SYNPR: variants seen among roughly 807,000 people sequenced by gnomAD.
SYNPR encodes synaptoporin.
Under a neutral mutation model 32.9 loss-of-function variants are expected in SYNPR, and 23 were observed. The ratio of observed to expected loss-of-function variants is 0.70; its 90% confidence interval spans 0.50 to 0.99. The LOEUF (loss-of-function observed/expected upper bound fraction) is 0.99, where lower values mean the gene tolerates loss of function less well. Among genes scored for constraint, SYNPR ranks in the 50% least tolerant of loss-of-function variants. The probability of loss-of-function intolerance (pLI) is 0.00; values close to 1 mark genes in which losing one functional copy is unlikely to be tolerated. For missense variants in SYNPR, 318 were observed against 349.3 expected (o/e 0.91, Z 0.71); for synonymous variants, 146 against 135.9 (o/e 1.07, Z -0.52).
At chr3:63,338,395 A>G (rs948218429) in intron 2 of SYNPR, among the ~76,000 whole-genome samples, 1 of 152,288 alleles carries the variant, frequency 6.6e-6, no homozygotes, top group East Asian at 1.9e-4. Flanking sequence ...AGGAGTGTCT[A>G]GCTTTCTCGA....
chr3:63,576,308 T>C (rs974521087), intron 4 of SYNPR, among the ~76,000 whole-genome samples: 1 of 152,142 alleles, frequency 6.6e-6, no homozygotes, highest in African/African-American at 2.4e-5. Flanking sequence ...GTGAAACAAA[T>C]ACCAAATGAT....
chr3:63,585,456 C>CTA (rs1553649474), intron 4 of SYNPR, among the ~76,000 whole-genome samples: 1 of 104,730 alleles, frequency 9.5e-6, no homozygotes, highest in African/African-American at 3.3e-5. Context: ...CATGCCCCCC[C>CTA]CCTCCGCCCC....
At chr3:63,493,253 T>C (rs1451986838) in intron 3 of SYNPR, among the ~76,000 whole-genome samples, 3 of 152,010 alleles carry the variant, frequency 2.0e-5, no homozygotes, top group African/African-American at 7.2e-5. Flanking sequence ...TCTCCAGGGC[T>C]GAGAGGTTCA....
intron 2 of SYNPR, among the ~76,000 whole-genome samples, chr3:63,468,625 A>T (rs1700733908): frequency 6.6e-6 from 1 of 151,892 alleles, no homozygotes; most frequent in Non-Finnish European, 1.5e-5. Context: ...ACATGTTGAA[A>T]CCCCATGTCT....
intron 4 of SYNPR, among the ~76,000 whole-genome samples, chr3:63,585,722 C>T (rs1458755137): frequency 6.6e-6 from 1 of 151,992 alleles, no homozygotes; most frequent in African/African-American, 2.4e-5. Context: ...GTCATTTATC[C>T]GATGCCTAGT....
intron 2 of SYNPR, among the ~76,000 whole-genome samples, chr3:63,339,715 T>G (rs2087339743): frequency 6.6e-6 from 1 of 151,922 alleles, no homozygotes; most frequent in South Asian, 2.1e-4. Flanking sequence ...TTGAGTGCTG[T>G]GGCGAGATCT....
chr3:63,332,313 C>T (rs1399740237), intron 2 of SYNPR, among the ~76,000 whole-genome samples: 1 of 151,918 alleles, frequency 6.6e-6, no homozygotes, highest in Non-Finnish European at 1.5e-5. Flanking sequence ...TGCTCTGCCA[C>T]CCTCCATCCT....
At chr3:63,515,968 G>T (rs1383600670) in intron 3 of SYNPR, among the ~76,000 whole-genome samples, 1 of 151,968 alleles carries the variant, frequency 6.6e-6, no homozygotes, top group Non-Finnish European at 1.5e-5. Context: ...AGATGAAGGG[G>T]ACTGGTTATT....
chr3:63,315,860 A>G (rs957506038), intron 2 of SYNPR, among the ~76,000 whole-genome samples: 3 of 152,002 alleles, frequency 2.0e-5, no homozygotes, highest in African/African-American at 7.2e-5. Context: ...ATTCAGTATT[A>G]TGTTTGCTGT....
At position 63,321,234 on chromosome 3, in the gene SYNPR, C is replaced by T. The variant is rs192748708; in HGVS notation, c.84+42492C>T. ...TTTGCCAAAATATGACTTCAAGGGC[C>T]TTAGTCCATTTCTGACCTTTAACTA... On this transcript the variant is annotated intron_variant, in intron 2 of 5. Transcript: ENST00000478300. Among the ~76,000 whole-genome samples, 3 of 152,154 alleles carry T rather than the reference C, an allele frequency of 2.0e-5. No homozygotes were observed. In the East Asian group the frequency reaches 5.8e-4, roughly 30 times the overall value.
At chr3:63,440,765 G>C (rs9811151) in intron 2 of SYNPR, among the ~76,000 whole-genome samples, 42,328 of 151,936 alleles carry the variant, frequency 0.28, 7,081 homozygotes, top group African/African-American at 0.48. Flanking sequence ...CTGGGACACA[G>C]CCAGGGTCAC....
At chr3:63,309,450 A>G (rs973714348) in intron 2 of SYNPR, among the ~76,000 whole-genome samples, 32 of 152,014 alleles carry the variant, frequency 2.1e-4, no homozygotes, top group African/African-American at 7.5e-4. Flanking sequence ...AAAAATTTCT[A>G]TGAATATTAT....
At chr3:63,256,790 G>A (rs1021554656) in intron 2 of SYNPR, among the ~76,000 whole-genome samples, 49 of 152,158 alleles carry the variant, frequency 3.2e-4, no homozygotes, top group Middle Eastern at 3.4e-3. Flanking sequence ...GAAGAAGTTC[G>A]AACCCATGGC....
chr3:63,479,070 T>C (rs1700991425), intron 2 of SYNPR, among the ~76,000 whole-genome samples: 1 of 152,168 alleles, frequency 6.6e-6, no homozygotes, highest in African/African-American at 2.4e-5. Flanking sequence ...CCCTAGATTG[T>C]GGAGCGACCT....
At chr3:63,504,131 T>G (rs1701539845) in intron 3 of SYNPR, among the ~76,000 whole-genome samples, 1 of 152,154 alleles carries the variant, frequency 6.6e-6, no homozygotes, top group South Asian at 2.1e-4. Flanking sequence ...ATTAAAATAT[T>G]TTACCAAAGA....
At chr3:63,573,252 T>A (rs1463579040) in intron 4 of SYNPR, among the ~76,000 whole-genome samples, 1 of 152,132 alleles carries the variant, frequency 6.6e-6, no homozygotes, top group East Asian at 1.9e-4. Flanking sequence ...CATGTTTCCA[T>A]CAACAGAACA....
intron 2 of SYNPR, among the ~76,000 whole-genome samples, chr3:63,282,189 A>G (rs2086636586): frequency 6.6e-6 from 1 of 152,238 alleles, no homozygotes; most frequent in African/African-American, 2.4e-5. Flanking sequence ...TTTTGTTAAA[A>G]TTATAACCAA....
chr3:63,575,460 C>T (rs1480093578), intron 4 of SYNPR, among the ~76,000 whole-genome samples: 1 of 152,130 alleles, frequency 6.6e-6, no homozygotes, highest in Non-Finnish European at 1.5e-5. Flanking sequence ...ACCAAGGGGT[C>T]TCCCTGCTTA....
chr3:63,539,292 T>C (rs1356132392), intron 3 of SYNPR, among the ~76,000 whole-genome samples: 2 of 152,140 alleles, frequency 1.3e-5, no homozygotes, highest in Admixed American at 1.3e-4. Context: ...TTTTTATAAA[T>C]AAACCCAATT....
Sources: allele counts gnomAD v4.1 joint callset (sites outside exome capture counted in the v4.1 genomes callset), GRCh38; gene constraint gnomAD v4.1.1; transcripts MANE v1.5; gene names NCBI Gene and HGNC (gene_info 2026-07-23, HGNC 2026-07-21).